CTU2: variants seen among roughly 807,000 people sequenced by gnomAD.
CTU2 encodes the protein cytosolic thiouridylase subunit 2.
CTU2 carries 80 observed loss-of-function variants against 64.1 expected under a neutral mutation model. That is an observed-to-expected ratio of 1.25 (90% CI 1.04 to 1.50). The LOEUF is 1.50. Ranked by LOEUF, CTU2 falls within the 40% of genes most tolerant of loss-of-function variation. The pLI is 0.00. For missense variants in CTU2, 1,110 were observed against 690.2 expected (o/e 1.61, Z -6.81); for synonymous variants, 482 against 285.3 (o/e 1.69, Z -6.95).
chr16:88,714,034 G>C, intron 9 of CTU2, 102 bp from the exon 10 acceptor site: 1 of 1,209,464 alleles, frequency 8.3e-7, no homozygotes, highest in Non-Finnish European at 1.2e-6. Context: ...AGACCCATGT[G>C]GGCCAGCAGC....
At chr16:88,707,814 T>C (rs1362153374) in intron 2 of CTU2, among the ~76,000 whole-genome samples, 3 of 149,628 alleles carry the variant, frequency 2.0e-5, no homozygotes, top group African/African-American at 7.4e-5. Context: ...TTGTTGTTGT[T>C]TTTTTTGAGA....
At position 88,714,637 on chromosome 16, in the gene CTU2, C is replaced by T. The variant is rs1361382145; in HGVS notation, c.1252C>T (p.Gln418Ter). ...AQTSSRLSQM[Q>*]SPIPLTETRT... ...GACCTCCTCGCGTCTCTCCCAGATG[C>T]AGTCACCCATCCCCCTGACTGAGAC... Residue 418 changes from glutamine (Q) to a stop codon, truncating the protein, a stop_gained, in exon 12 of 15, where the codon CAG (glutamine) becomes TAG (stop). Transcript: ENST00000453996. LOFTEE classifies it high-confidence loss of function. 1.2e-6 allele frequency: 2 copies of T among 1,612,516 alleles called. No individual in the cohort carries two copies. The highest frequency in any genetic ancestry group is 1.7e-6 in the Non-Finnish European group (2 of 1,179,880).
At chr16:88,713,611 C>A in intron 8 of CTU2, 36 bp from the exon 9 acceptor site, 1 of 1,600,796 alleles carries the variant, frequency 6.2e-7, no homozygotes, top group Non-Finnish European at 8.5e-7. Context: ...CACATTCGGG[C>A]CTTGACCTGG....
chr16:88,711,528 C>A, intron 4 of CTU2, 107 bp from the exon 5 acceptor site: 1 of 1,174,372 alleles, frequency 8.5e-7, no homozygotes, highest in Non-Finnish European at 1.2e-6. Flanking sequence ...GGGAAGACCA[C>A]TTCACCTTCC....
rs1301832735 is a variant in CTU2 at position 88,714,243 on chromosome 16, G to A, written c.1097+16G>A. On this transcript the variant is annotated intron_variant, in intron 10 of 14. Transcript: ENST00000453996. Reference sequence around the variant, plus strand: ...CTGTGTACAGGTGTGGGTGTGTGTGGGTGTGTGCGGGGGGTGCGCGGGTGT... The same window carrying A: ...CTGTGTACAGGTGTGGGTGTGTGTGAGTGTGTGCGGGGGGTGCGCGGGTGT... 2.5e-6 allele frequency: 4 copies of A among 1,602,960 alleles called. No individual in the cohort carries two copies. The African/African-American group carries it at 4.2e-5, about 17-fold the overall frequency.
Position 88,714,140 on chromosome 16 carries a change from C to G in CTU2, c.1010C>G (p.Pro337Arg). 1 of 1,612,626 alleles carries G rather than the reference C, an allele frequency of 6.2e-7. No homozygotes were observed. The highest frequency in any genetic ancestry group is 8.5e-7 in the Non-Finnish European group (1 of 1,179,830). Residue 337 changes from proline to arginine, a missense_variant, in exon 10 of 15, where the codon CCT (proline) becomes CGT (arginine). Pro to Arg is a moderately radical substitution (Grantham distance 103). Transcript: ENST00000453996. Reference sequence around the variant, plus strand: ...CTCCAATCTGATTGTCCCTAGGCCCCTGAAAAGGCCAGCATCCACCGGCTG... The same window carrying G: ...CTCCAATCTGATTGTCCCTAGGCCCGTGAAAAGGCCAGCATCCACCGGCTG... ...VFTPAVDTKA[P>R]EKASIHRLME... is the part of the protein sequence containing the mutation.
rs1015283754 is a variant in CTU2, at chr16:88,714,643, C to A, written c.1258C>A (p.Pro420Thr). ...CTCGCGTCTCTCCCAGATGCAGTCA[C>A]CCATCCCCCTGACTGAGACCCGGAC... ...TSSRLSQMQS[P>T]IPLTETRTPP... The change falls in exon 12 of 15, where the codon CCC becomes ACC. Residue 420 changes from proline (P) to threonine (T), a missense_variant. Transcript: ENST00000453996. 1 of 1,612,608 alleles carries A rather than the reference C, an allele frequency of 6.2e-7. No homozygotes were observed. Among genetic ancestry groups the A allele is most frequent in the East Asian group, 2.2e-5 (1 of 44,870 alleles).
chr16:88,714,952 GC>G, intron 13 of CTU2, 26 bp downstream of exon 13: 1 of 1,609,572 alleles, frequency 6.2e-7, no homozygotes, highest in African/African-American at 1.3e-5. Context: ...CCTGTCCTGG[GC>G]CGGGCTTGGG....
chr16:88,714,531 GAGT>G, intron 11 of CTU2, 45 bp downstream of exon 11: 1 of 1,612,538 alleles, frequency 6.2e-7, no homozygotes, highest in Non-Finnish European at 8.5e-7. Context: ...GGGAGCCAGG[GAGT>G]GGGTGTGGGG....
At position 88,713,673 on chromosome 16, in the gene CTU2, C is replaced by G. The variant is rs372801841; in HGVS notation, c.900C>G (p.Asp300Glu). 6 of 1,612,516 alleles carry G rather than the reference C, an allele frequency of 3.7e-6. No homozygotes were observed. Among genetic ancestry groups the G allele is most frequent in the Non-Finnish European group, 5.1e-6 (6 of 1,179,808 alleles). ...GCTTCTCGGATGAGCGGCACGGGGA[C>G]GTGGTGGTGGTGCGGCCCATGCGGG... is the stretch of plus-strand genomic sequence containing the variant. Reference protein sequence around the residue: ...DTGFSDERHGDVVVVRPMRDH... With the variant: ...DTGFSDERHGEVVVVRPMRDH... The change falls in exon 9 of 15, where the codon GAC (aspartate) becomes GAG (glutamate). Residue 300 changes from aspartate to glutamate, a missense_variant. Coordinates refer to ENST00000453996, the MANE Select transcript of CTU2 (RefSeq NM_001012759.3).
At chr16:88,709,885 C>G in intron 2 of CTU2, 53 bp from the exon 3 acceptor site, 1 of 1,514,278 alleles carries the variant, frequency 6.6e-7, no homozygotes. Context: ...CCTCAGGACG[C>G]TGCTCACTGT....
At chr16:88,715,134 G>A (rs373156066) in intron 14 of CTU2, 28 bp downstream of exon 14, 33 of 1,605,538 alleles carry the variant, frequency 2.1e-5, no homozygotes, top group South Asian at 5.5e-5. Context: ...GCCGTGGCGC[G>A]TGGGTAAGGG....
rs1394555041 is a variant in CTU2 at position 88,710,222 on chromosome 16, G to A, written c.223-1G>A. The A allele has an allele frequency of 3.1e-6, 5 of 1,613,940 alleles. No homozygotes were observed. Among genetic ancestry groups the A allele is most frequent in the Non-Finnish European group, 4.2e-6 (5 of 1,179,984 alleles). The stretch of plus-strand genomic sequence containing the variant: ...CCTGAGTGATGTTTTTTCTCCCCCA[G>A]GTGCTCTTGGCGTGGTCTGGGGGGC... On this transcript the variant is annotated splice_acceptor_variant, in intron 3 of 14. Coordinates refer to ENST00000453996, the MANE Select transcript of CTU2 (RefSeq NM_001012759.3). LOFTEE classifies it high-confidence loss of function.
At chr16:88,712,440 C>T in intron 6 of CTU2, 57 bp downstream of exon 6, 1 of 1,481,054 alleles carries the variant, frequency 6.8e-7, no homozygotes, top group Admixed American at 2.1e-5. Flanking sequence ...GGGCACCTGC[C>T]CGTGTCCCAG....
At chr16:88,713,500 G>A in intron 8 of CTU2, 53 bp downstream of exon 8, 2 of 1,549,068 alleles carry the variant, frequency 1.3e-6, no homozygotes, top group Non-Finnish European at 8.7e-7. Context: ...CACCCCTTCG[G>A]CCACCTTTAC....
chr16:88,715,366 AT>A lies in CTU2; in HGVS notation c.*121del. ...GATTGTCCATTTGTATAAATAAAAC[AT>A]TTTTTAATTAAAAAAAAAACTCTAC... On this transcript the variant is annotated 3_prime_UTR_variant, in exon 15 of 15. Coordinates refer to ENST00000453996, the MANE Select transcript of CTU2 (RefSeq NM_001012759.3). The A allele has an allele frequency of 8.3e-7, 1 of 1,208,238 alleles. No homozygotes were observed. Among genetic ancestry groups the A allele is most frequent in the Non-Finnish European group, 1.1e-6 (1 of 879,544 alleles). 74.8% of individuals were successfully genotyped at this position (1,208,238 alleles called of 1,614,324 possible). A position where few individuals can be genotyped will look rare whatever the true frequency, so the allele number is the denominator to read the frequency against.
chr16:88,706,807 C>T (rs1910883045), intron 1 of CTU2: 1 of 523,650 alleles, frequency 1.9e-6, no homozygotes, highest in African/African-American at 1.9e-5. Flanking sequence ...CTAGCAGCCA[C>T]TGGGGACGGC....
chr16:88,709,812 C>G (rs554407781), intron 2 of CTU2, 126 bp from the exon 3 acceptor site: 4 of 829,908 alleles, frequency 4.8e-6, no homozygotes, highest in Non-Finnish European at 8.0e-6. Context: ...TGGACAGAGC[C>G]TGGATGTGAA....
intron 3 of CTU2, 88 bp downstream of exon 3, chr16:88,710,104 C>T: frequency 6.4e-7 from 1 of 1,568,864 alleles, no homozygotes; most frequent in Non-Finnish European, 8.8e-7. Context: ...TGGCCTGCTG[C>T]AGCCCGCCAG....
Sources: gnomAD v4.1 joint callset for allele counts (sites outside exome capture counted in the v4.1 genomes callset) on GRCh38, gnomAD v4.1.1 for gene constraint, MANE v1.5 for transcripts, NCBI Gene and HGNC (gene_info 2026-07-23, HGNC 2026-07-21) for gene names.